Variants in CAMKMT observed in about 807,000 individuals in gnomAD.
CAMKMT encodes the protein CaM KMT.
A neutral mutation model predicts 48.0 loss-of-function variants in CAMKMT; 53 were observed. That is an observed-to-expected ratio of 1.10 (90% CI 0.89 to 1.39). CAMKMT has a LOEUF of 1.39. Ranked by LOEUF, CAMKMT falls within the 40% of genes most tolerant of loss-of-function variation. CAMKMT has a pLI of 0.00. For synonymous variants in CAMKMT, 165 were observed against 152.3 expected, an observed-to-expected ratio of 1.08 and a Z score of -0.61; for missense variants, 428 against 402.7, an observed-to-expected ratio of 1.06 and a Z score of -0.54.
At chr2:44,556,796 C>T (rs543139023) in intron 3 of CAMKMT, among the ~76,000 whole-genome samples, 74 of 148,742 alleles carry the variant, frequency 5.0e-4, no homozygotes, top group African/African-American at 1.5e-3. Context: ...AGGATTAATC[C>T]GCTAGGCACA....
intron 3 of CAMKMT, among the ~76,000 whole-genome samples, chr2:44,456,302 T>C (rs1168018191): frequency 1.3e-5 from 2 of 152,284 alleles, no homozygotes; most frequent in Middle Eastern, 3.4e-3. Context: ...AATCTGACTA[T>C]AGGGTTGGTA....
intron 3 of CAMKMT, among the ~76,000 whole-genome samples, chr2:44,440,813 C>A (rs1666608454): frequency 6.6e-6 from 1 of 151,852 alleles, no homozygotes; most frequent in African/African-American, 2.4e-5. Context: ...AATTGTAGAA[C>A]CTTTTATCCC....
chr2:44,500,721 G>T (rs1369742949), intron 3 of CAMKMT, among the ~76,000 whole-genome samples: 9 of 134,780 alleles, frequency 6.7e-5, no homozygotes, highest in Non-Finnish European at 9.4e-5. Flanking sequence ...TTGCTCTGTT[G>T]CCCAGGCTGG....
At chr2:44,406,939 A>G (rs1682823084) in intron 3 of CAMKMT, among the ~76,000 whole-genome samples, 1 of 152,178 alleles carries the variant, frequency 6.6e-6, no homozygotes, top group Non-Finnish European at 1.5e-5. Flanking sequence ...GCTATTCTTT[A>G]TAATTTCTGT....
At chr2:44,392,269 A>G (rs925056478) in intron 3 of CAMKMT, among the ~76,000 whole-genome samples, 1 of 152,140 alleles carries the variant, frequency 6.6e-6, no homozygotes, top group African/African-American at 2.4e-5. Context: ...TTGCTGAGTG[A>G]TAGAAGTGGT....
intron 3 of CAMKMT, among the ~76,000 whole-genome samples, chr2:44,528,104 GATGTAGTC>G (rs1175464230): frequency 6.6e-6 from 1 of 152,096 alleles, no homozygotes; most frequent in African/African-American, 2.4e-5. Flanking sequence ...AGTTGGGAAG[GATGTAGTC>G]AAAATTCCCA....
chr2:44,364,609 G>A (rs1215467088), intron 1 of CAMKMT, among the ~76,000 whole-genome samples: 2 of 152,138 alleles, frequency 1.3e-5, no homozygotes, highest in African/African-American at 4.8e-5. Context: ...TGAGAGTAAG[G>A]ACAGTCTTTA....
At chr2:44,492,796 G>A (rs538921245) in intron 3 of CAMKMT, among the ~76,000 whole-genome samples, 1 of 151,898 alleles carries the variant, frequency 6.6e-6, no homozygotes, top group East Asian at 1.9e-4. Context: ...TAAGGCATTT[G>A]TTCCTACTTT....
In CAMKMT at chr2:44,416,016, T is replaced by G. The variant is rs1435962441; in HGVS notation, c.376+25711T>G. 2.6e-5 allele frequency among the ~76,000 whole-genome samples: 4 copies of G among 151,764 alleles called. No homozygotes were observed. The East Asian group carries it at 7.7e-4, about 29-fold the overall frequency. ...TGTCAATCTAAATGTGAACTAACAT[T>G]ATTCAAAATCCTTTTAAGATACTGA... On this transcript the variant is annotated intron_variant, in intron 3 of 10. Coordinates refer to ENST00000378494, the MANE Select transcript of CAMKMT (RefSeq NM_024766.5).
At chr2:44,628,566 A>G (rs1282195485) in intron 3 of CAMKMT, among the ~76,000 whole-genome samples, 1 of 149,068 alleles carries the variant, frequency 6.7e-6, no homozygotes, top group Non-Finnish European at 1.5e-5. Flanking sequence ...TTTTTTTTAG[A>G]TACAAGGTCT....
intron 10 of CAMKMT, among the ~76,000 whole-genome samples, chr2:44,771,757 C>T (rs1271216506): frequency 6.6e-6 from 1 of 152,094 alleles, no homozygotes; most frequent in Non-Finnish European, 1.5e-5. Context: ...CCAGCTCTGC[C>T]TTCTGTCAAG....
intron 3 of CAMKMT, among the ~76,000 whole-genome samples, chr2:44,670,519 G>A (rs1482189852): frequency 1.3e-5 from 2 of 152,062 alleles, no homozygotes; most frequent in Non-Finnish European, 2.9e-5. Flanking sequence ...GGGCATGCTG[G>A]TGCATACCTA....
intron 3 of CAMKMT, among the ~76,000 whole-genome samples, chr2:44,489,465 C>G (rs185279562): frequency 1.3e-5 from 2 of 151,884 alleles, no homozygotes; most frequent in African/African-American, 4.8e-5. Context: ...AGGCTGGTCT[C>G]GAACTCCTGA....
At chr2:44,566,107 C>T (rs920133874) in intron 3 of CAMKMT, among the ~76,000 whole-genome samples, 1 of 152,176 alleles carries the variant, frequency 6.6e-6, no homozygotes, top group African/African-American at 2.4e-5. Context: ...TTATGATCTA[C>T]TCATAACTAT....
intron 8 of CAMKMT, among the ~76,000 whole-genome samples, chr2:44,751,898 A>G (rs1325549575): frequency 1.3e-5 from 2 of 152,142 alleles, no homozygotes; most frequent in African/African-American, 4.8e-5. Context: ...TCACATGGTG[A>G]GAGAGAAGGA....
intron 3 of CAMKMT, among the ~76,000 whole-genome samples, chr2:44,588,039 C>T (rs1159054045): frequency 7.0e-6 from 1 of 143,214 alleles, no homozygotes; most frequent in Non-Finnish European, 1.5e-5. Context: ...CGAGGAGCGC[C>T]TCTTCCCCGC....
At position 44,596,408 on chromosome 2, in the gene CAMKMT, C is replaced by T. The variant is rs529191628; in HGVS notation, c.377-107875C>T. On this transcript the variant is annotated intron_variant, in intron 3 of 10. Coordinates refer to ENST00000378494, the MANE Select transcript of CAMKMT (RefSeq NM_024766.5). ...AGGTTGCAATGAACTAAACATGTGC[C>T]ACTGCACTCCAGGCTGGGTAACAGA... Among the ~76,000 whole-genome samples, 10 of 151,784 alleles carry T rather than the reference C, an allele frequency of 6.6e-5. 1 individual carries two copies. The South Asian group carries it at 1.9e-3, about 28-fold the overall frequency.
intron 3 of CAMKMT, among the ~76,000 whole-genome samples, chr2:44,462,744 T>C (rs1441341135): frequency 6.6e-6 from 1 of 152,140 alleles, no homozygotes; most frequent in East Asian, 1.9e-4. Flanking sequence ...TATGAATGAA[T>C]AGAAATATAA....
chr2:44,623,641 T>A (rs1329750143), intron 3 of CAMKMT, among the ~76,000 whole-genome samples: 1 of 152,206 alleles, frequency 6.6e-6, no homozygotes, highest in East Asian at 1.9e-4. Flanking sequence ...GTTGTAGATG[T>A]GTGGCTTTAT....
Sources: gnomAD v4.1 joint callset for allele counts (sites outside exome capture counted in the v4.1 genomes callset) on GRCh38, gnomAD v4.1.1 for gene constraint, MANE v1.5 for transcripts, NCBI Gene and HGNC (gene_info 2026-07-23, HGNC 2026-07-21) for gene names.